MSRA: variants seen among roughly 807,000 people sequenced by gnomAD.
MSRA encodes the protein methionine sulfoxide reductase A, also known as mitochondrial peptide methionine sulfoxide reductase.
MSRA carries 54 observed loss-of-function variants against 31.3 expected under a neutral mutation model. The observed-to-expected ratio is 1.73, with a 90% CI of 1.39 to 2.17. The LOEUF (loss-of-function observed/expected upper bound fraction) is 2.17. MSRA is among the 30% of genes most tolerant of loss of function. The pLI is 0.00. For missense variants in MSRA, 507 were observed against 300.9 expected (o/e 1.69, Z -5.07); for synonymous variants, 169 against 116.5 (o/e 1.45, Z -2.90).
intron 2 of MSRA, among the ~76,000 whole-genome samples, chr8:10,235,078 G>C (rs1390172933): frequency 6.6e-6 from 1 of 151,930 alleles, no homozygotes; most frequent in Non-Finnish European, 1.5e-5. Flanking sequence ...GTCCATAAAT[G>C]TCTGTAAAAC....
At chr8:10,065,911 C>G (rs1015223323) in intron 1 of MSRA, among the ~76,000 whole-genome samples, 3 of 151,800 alleles carry the variant, frequency 2.0e-5, no homozygotes, top group African/African-American at 7.3e-5. Flanking sequence ...GTGCCTGCTC[C>G]TACCGTGCCT....
At chr8:10,406,897 G>A (rs1466201274) in intron 5 of MSRA, among the ~76,000 whole-genome samples, 1 of 152,196 alleles carries the variant, frequency 6.6e-6, no homozygotes, top group South Asian at 2.1e-4. Flanking sequence ...CTCTCAACCA[G>A]GCTAGAGTGC....
At chr8:10,083,261 T>G (rs748191946) in intron 1 of MSRA, among the ~76,000 whole-genome samples, 4 of 152,234 alleles carry the variant, frequency 2.6e-5, no homozygotes, top group Non-Finnish European at 4.4e-5. Flanking sequence ...TACTTTGAAT[T>G]AGTCAAATCT....
chr8:10,277,048 A>G (rs1447639192), intron 3 of MSRA, among the ~76,000 whole-genome samples: 3 of 152,198 alleles, frequency 2.0e-5, no homozygotes, highest in African/African-American at 4.8e-5. Context: ...TCTAAATAAG[A>G]AAGTATATAC....
At chr8:10,074,064 T>TTTTTTTTTTTTTTG in intron 1 of MSRA, among the ~76,000 whole-genome samples, 2 of 14,686 alleles carry the variant, frequency 1.4e-4, no homozygotes, top group African/African-American at 3.2e-4. Flanking sequence ...GGTGCTTTTT[T>TTTTTTTTTTTTTTG]TTTTTTTTTT....
intron 2 of MSRA, among the ~76,000 whole-genome samples, chr8:10,210,672 A>G (rs958809892): frequency 2.0e-5 from 3 of 151,792 alleles, no homozygotes; most frequent in African/African-American, 7.3e-5. Context: ...AATTGTTTAG[A>G]CCCGTTCTTC....
At chr8:10,091,479 G>A (rs1339200545) in intron 1 of MSRA, among the ~76,000 whole-genome samples, 1 of 152,132 alleles carries the variant, frequency 6.6e-6, no homozygotes, top group Non-Finnish European at 1.5e-5. Flanking sequence ...GGACACTTAG[G>A]CTGATTTCCT....
At chr8:10,386,582 G>A (rs1242809496) in intron 5 of MSRA, among the ~76,000 whole-genome samples, 3 of 152,224 alleles carry the variant, frequency 2.0e-5, no homozygotes, top group Non-Finnish European at 2.9e-5. Context: ...AGTTGCAAGC[G>A]CCGTCAGAGC....
chr8:10,384,638 G>C (rs930627570), intron 5 of MSRA, among the ~76,000 whole-genome samples: 1 of 152,236 alleles, frequency 6.6e-6, no homozygotes, highest in African/African-American at 2.4e-5. Context: ...GGTGTTTTCA[G>C]GGTGCAGCCA....
At chr8:10,283,545 C>T (rs1799747935) in intron 3 of MSRA, among the ~76,000 whole-genome samples, 1 of 151,854 alleles carries the variant, frequency 6.6e-6, no homozygotes, top group Admixed American at 6.6e-5. Context: ...ATCACCCAAG[C>T]ACTATACACT....
chr8:10,097,320 T>C (rs969856467), intron 1 of MSRA, among the ~76,000 whole-genome samples: 2 of 152,204 alleles, frequency 1.3e-5, no homozygotes, highest in African/African-American at 4.8e-5. Context: ...TGACAACCTT[T>C]GTTTAATAAG....
At chr8:10,264,879 G>T (rs898061783) in intron 3 of MSRA, among the ~76,000 whole-genome samples, 1 of 152,126 alleles carries the variant, frequency 6.6e-6, no homozygotes, top group African/African-American at 2.4e-5. Context: ...GGGCCAAATC[G>T]CAGGGTGGGG....
chr8:10,287,529 C>G (rs1392112116), intron 3 of MSRA, among the ~76,000 whole-genome samples: 2 of 152,174 alleles, frequency 1.3e-5, no homozygotes, highest in African/African-American at 2.4e-5. Context: ...TAACACAGAA[C>G]AAGCTACCTA....
intron 1 of MSRA, among the ~76,000 whole-genome samples, chr8:10,106,199 T>C (rs879895400): frequency 6.6e-6 from 1 of 152,088 alleles, no homozygotes; most frequent in African/African-American, 2.4e-5. Context: ...TGAGGTATGG[T>C]TCTCACAGAC....
intron 1 of MSRA, among the ~76,000 whole-genome samples, chr8:10,190,809 A>T (rs747684708): frequency 6.6e-5 from 10 of 152,090 alleles, no homozygotes; most frequent in Admixed American, 1.3e-4. Flanking sequence ...AGACATTGCT[A>T]TGTGTTCAAC....
chr8:10,391,204 C>T (rs563476900), intron 5 of MSRA, among the ~76,000 whole-genome samples: 1 of 152,180 alleles, frequency 6.6e-6, no homozygotes, highest in Non-Finnish European at 1.5e-5. Flanking sequence ...ATCTTTAAGT[C>T]ATTGGTCACA....
chr8:10,385,824 C>T (rs1806357043), intron 5 of MSRA, among the ~76,000 whole-genome samples: 2 of 150,150 alleles, frequency 1.3e-5, no homozygotes, highest in Admixed American at 1.3e-4. Flanking sequence ...GGGTGTCTTC[C>T]TAAAAAAGCA....
At chr8:10,276,164 T>G (rs536934661) in intron 3 of MSRA, among the ~76,000 whole-genome samples, 1 of 152,216 alleles carries the variant, frequency 6.6e-6, no homozygotes, top group Non-Finnish European at 1.5e-5. Flanking sequence ...TCTGTTTCTT[T>G]ATAGACAAGT....
At chr8:10,134,385 C>T (rs139800793) in intron 1 of MSRA, among the ~76,000 whole-genome samples, 1 of 152,356 alleles carries the variant, frequency 6.6e-6, no homozygotes, top group African/African-American at 2.4e-5. Flanking sequence ...GTAGAGGCAG[C>T]AGACAGACTG....
Sources: gnomAD v4.1 joint callset for allele counts (sites outside exome capture counted in the v4.1 genomes callset) on GRCh38, gnomAD v4.1.1 for gene constraint, MANE v1.5 for transcripts, NCBI Gene and HGNC (gene_info 2026-07-23, HGNC 2026-07-21) for gene names.